The following ZNF786 variants were observed in gnomAD, a reference collection of about 807,000 sequenced individuals.
The protein encoded by ZNF786 is zinc finger protein 786.
A neutral mutation model predicts 63.1 loss-of-function variants in ZNF786; 56 were observed. The ratio of observed to expected loss-of-function variants is 0.89; its 90% confidence interval spans 0.72 to 1.11. The LOEUF (loss-of-function observed/expected upper bound fraction) is 1.11. ZNF786 is among the 50% of genes least tolerant of loss of function. The probability of loss-of-function intolerance (pLI) is 0.00; values close to 1 mark genes in which losing one functional copy is unlikely to be tolerated. For missense variants in ZNF786, 1,213 were observed against 1,041.8 expected (o/e 1.16, Z -2.26); for synonymous variants, 485 against 406.9 (o/e 1.19, Z -2.31).
rs527712743 is a variant in ZNF786, at chr7:149,089,199, G to A, written c.18+1424C>T. Among the ~76,000 whole-genome samples the A allele has an allele frequency of 2.4e-4, 37 of 152,208 alleles. No individual in the cohort carries two copies. The East Asian group carries it at 4.6e-3, about 19-fold the overall frequency. On this transcript the variant is annotated intron_variant, in intron 1 of 3. Transcript: ENST00000491431. ...GATCTCCTGATCTCGTGATCCGCCCGCCTTGGCCTCCCAAAGTGCTGGGAT... is the reference window on the plus strand; with the variant it reads ...GATCTCCTGATCTCGTGATCCGCCCACCTTGGCCTCCCAAAGTGCTGGGAT...
intron 1 of ZNF786, among the ~76,000 whole-genome samples, chr7:149,084,738 G>A (rs2129516832): frequency 6.6e-6 from 1 of 152,252 alleles, no homozygotes; most frequent in South Asian, 2.1e-4. Flanking sequence ...CCATTCTGTA[G>A]GGTGTCTGTT....
At position 149,070,336 on chromosome 7, in the gene ZNF786, C is replaced by G; in HGVS notation, c.*87G>C. 1 of 1,530,414 alleles carries G rather than the reference C, an allele frequency of 6.5e-7. No homozygotes were observed. The highest frequency in any genetic ancestry group is 8.8e-7 in the Non-Finnish European group (1 of 1,136,348). 94.8% of individuals were successfully genotyped at this position (1,530,414 alleles called of 1,614,324 possible). A position where few individuals can be genotyped will look rare whatever the true frequency, so the allele number is the denominator to read the frequency against. ...CAAAGAAGGATACCTGCTCCTAAAA[C>G]CCGTCTACCAGCGGGTCTGGCTACT... On this transcript the variant is annotated 3_prime_UTR_variant, in exon 4 of 4. Coordinates refer to ENST00000491431, the MANE Select transcript of ZNF786 (RefSeq NM_152411.4).
At position 149,071,306 on chromosome 7, in the gene ZNF786, C is replaced by A; in HGVS notation, c.1466G>T (p.Ser489Ile). The A allele has an allele frequency of 6.2e-7, 1 of 1,613,364 alleles. No individual in the cohort carries two copies. The highest frequency in any genetic ancestry group is 8.5e-7 in the Non-Finnish European group (1 of 1,179,846). ...TCTCAGCATGCTCTCCAGGCGGAAG[C>A]TCAGCCCACACTCTGGGCACTGAAA... ...KPFQCPECGL[S>I]FRLESMLRAH... is the part of the protein sequence containing the mutation. The change falls in exon 4 of 4, where the codon AGC (serine) becomes ATC (isoleucine). Residue 489 changes from serine (S) to isoleucine (I), a missense_variant. By Grantham distance (142) the Ser-to-Ile change is moderately radical (BLOSUM62 -2). Coordinates refer to ENST00000491431, the MANE Select transcript of ZNF786 (RefSeq NM_152411.4).
chr7:149,073,756 T>TAC (rs1339786698), intron 3 of ZNF786, among the ~76,000 whole-genome samples: 8 of 88,698 alleles, frequency 9.0e-5, no homozygotes, highest in African/African-American at 3.4e-4. Context: ...TGTATATATA[T>TAC]ATATATATAT....
At position 149,070,053 on chromosome 7, in the gene ZNF786, T is replaced by C. The variant is rs1825371166; in HGVS notation, c.*370A>G. 5.8e-6 allele frequency: 1 copy of C among 172,252 alleles called. No individual in the cohort carries two copies. Among genetic ancestry groups the C allele is most frequent in the African/African-American group, 2.4e-5 (1 of 41,738 alleles). The allele number at this position is 172,252 out of a possible 1,614,324, so 10.7% of individuals were successfully genotyped here. ...TTCTGTGTGCACCTTTTCTTAAAAATGTTAACAATCACATATAACCTCGTA... is the reference window on the plus strand; with the variant it reads ...TTCTGTGTGCACCTTTTCTTAAAAACGTTAACAATCACATATAACCTCGTA... On this transcript the variant is annotated 3_prime_UTR_variant, in exon 4 of 4. Transcript: ENST00000491431.
At position 149,070,886 on chromosome 7, in the gene ZNF786, CGCT is replaced by C; in HGVS notation, c.1883_1885del (p.Lys628_Arg629delinsSer). ...CTTCATGTCGGCCTTCACGCGATAG[CGCT>C]TGTCGCACTCCGGACACTGGAAGGG... On this transcript the variant is annotated inframe_deletion, in exon 4 of 4. Coordinates refer to ENST00000491431, the MANE Select transcript of ZNF786 (RefSeq NM_152411.4). 6.2e-7 allele frequency: 1 copy of C among 1,613,212 alleles called. No homozygotes were observed. Among genetic ancestry groups the C allele is most frequent in the Non-Finnish European group, 8.5e-7 (1 of 1,179,898 alleles).
intron 1 of ZNF786, among the ~76,000 whole-genome samples, chr7:149,087,782 G>A (rs532339927): frequency 1.3e-5 from 2 of 151,974 alleles, no homozygotes; most frequent in East Asian, 3.9e-4. Flanking sequence ...GCACATTTCA[G>A]GTAGTTCTTT....
At chr7:149,082,409 TTAGA>T (rs1370713062) in intron 1 of ZNF786, 14 of 313,000 alleles carry the variant, frequency 4.5e-5, no homozygotes, top group Non-Finnish European at 9.3e-6. Flanking sequence ...TACAGTTGAC[TTAGA>T]TAAATGGATA....
intron 1 of ZNF786, among the ~76,000 whole-genome samples, chr7:149,087,470 G>A (rs1425885127): frequency 6.6e-6 from 1 of 152,182 alleles, no homozygotes; most frequent in Non-Finnish European, 1.5e-5. Flanking sequence ...TAGCAGCCAA[G>A]AATAGTGATA....
At chr7:149,078,678 C>T (rs1825602197) in intron 2 of ZNF786, among the ~76,000 whole-genome samples, 1 of 151,320 alleles carries the variant, frequency 6.6e-6, no homozygotes, top group South Asian at 2.1e-4. Context: ...GAGTGAAACT[C>T]CGTCTCAAAA....
In ZNF786 at chr7:149,071,436, C is replaced by T. The variant is rs1413596722; in HGVS notation, c.1336G>A (p.Val446Ile). ...KQCKLTEHIR[V>I]HSGEKPFRCA... Reference sequence around the variant, plus strand: ...CGGAAAGGCTTCTCTCCGCTGTGGACTCGAATGTGCTCCGTGAGTTTACAC... The same window carrying T: ...CGGAAAGGCTTCTCTCCGCTGTGGATTCGAATGTGCTCCGTGAGTTTACAC... Residue 446 changes from valine to isoleucine, a missense_variant, in exon 4 of 4, where the codon GTC becomes ATC. Coordinates refer to ENST00000491431, the MANE Select transcript of ZNF786 (RefSeq NM_152411.4). The T allele has an allele frequency of 6.2e-7, 1 of 1,613,232 alleles. No homozygotes were observed. Among genetic ancestry groups the T allele is most frequent in the Non-Finnish European group, 8.5e-7 (1 of 1,179,844 alleles).
intron 1 of ZNF786, among the ~76,000 whole-genome samples, chr7:149,087,533 G>C (rs1024735314): frequency 1.3e-5 from 2 of 152,204 alleles, no homozygotes; most frequent in African/African-American, 4.8e-5. Flanking sequence ...ATCCAGCACA[G>C]GATGTTAGTA....
intron 1 of ZNF786, among the ~76,000 whole-genome samples, chr7:149,083,931 T>C (rs879812973): frequency 3.3e-5 from 5 of 152,234 alleles, no homozygotes; most frequent in African/African-American, 4.8e-5. Flanking sequence ...CAGTCTGCCA[T>C]TGATGGGCAT....
rs776772101 is a variant in ZNF786 at position 149,072,102 on chromosome 7, T to G, written c.670A>C (p.Arg224=). 2 of 1,613,212 alleles carry G rather than the reference T, an allele frequency of 1.2e-6. No individual in the cohort carries two copies. Among genetic ancestry groups the G allele is most frequent in the Admixed American group, 3.3e-5 (2 of 59,892 alleles). ...TRRAWEKFNK[R]AETQMPWSSP... ...CTCCACGGCATCTGCGTCTCCGCCC[T>G]CTTGTTGAATTTCTCCCAGGCCCTA... Residue 224 remains arginine (R), a synonymous_variant, in exon 4 of 4, where the codon AGG becomes CGG. Coordinates refer to ENST00000491431, the MANE Select transcript of ZNF786 (RefSeq NM_152411.4).
intron 1 of ZNF786, among the ~76,000 whole-genome samples, chr7:149,088,562 C>T (rs1453224862): frequency 1.3e-5 from 2 of 152,186 alleles, no homozygotes; most frequent in Admixed American, 6.5e-5. Flanking sequence ...TCATTCTCTC[C>T]TCTTCTCTGA....
In ZNF786 at chr7:149,079,678, C is replaced by T. The variant is rs968956838; in HGVS notation, c.145+913G>A. ...CCCCGCCTCCCAGGTTCAAGTGATT[C>T]TCCTGCCTCAGTCTCCTGAGTAGCT... On this transcript the variant is annotated intron_variant, in intron 2 of 3. Transcript: ENST00000491431. Among the ~76,000 whole-genome samples, 5 of 146,368 alleles carry T rather than the reference C, an allele frequency of 3.4e-5. No homozygotes were observed. In the Admixed American group the frequency reaches 3.4e-4, roughly 10 times the overall value.
chr7:149,070,195 A>T lies in ZNF786; in HGVS notation c.*228T>A, dbSNP rs997458318. 2 of 477,266 alleles carry T rather than the reference A, an allele frequency of 4.2e-6. No homozygotes were observed. The highest frequency in any genetic ancestry group is 7.2e-6 in the Non-Finnish European group (2 of 277,646). 29.6% of individuals were successfully genotyped at this position (477,266 alleles called of 1,614,324 possible). ...CACTGCACTCCAGCCTGGGTGACAG[A>T]GCAAAACTCCATCTTGGAAAAAAAA... is the stretch of plus-strand genomic sequence containing the variant. On this transcript the variant is annotated 3_prime_UTR_variant, in exon 4 of 4. Transcript: ENST00000491431.
chr7:149,081,113 T>C (rs2129516425), intron 1 of ZNF786: 2 of 457,340 alleles, frequency 4.4e-6, no homozygotes, highest in South Asian at 3.1e-5. Context: ...TATACCCCAC[T>C]GATGGGACAT....
At position 149,071,572 on chromosome 7, in the gene ZNF786, C is replaced by A. The variant is rs1825417687; in HGVS notation, c.1200G>T (p.Ala400=). 3.1e-6 allele frequency: 5 copies of A among 1,611,790 alleles called. No homozygotes were observed. In the South Asian group the frequency reaches 5.5e-5, roughly 18 times the overall value. ...AHTGEKPFQC[A]HCTKRFRLRR... is the part of the protein sequence containing the mutation. ...GCAGGCGGAAGCGCTTGGTGCAATGCGCACACTGGAAGGGCTTTTCTCCAG... is the reference window on the plus strand; with the variant it reads ...GCAGGCGGAAGCGCTTGGTGCAATGAGCACACTGGAAGGGCTTTTCTCCAG... The change falls in exon 4 of 4, where the codon GCG becomes GCT. Residue 400 remains alanine (A), a synonymous_variant. Coordinates refer to ENST00000491431, the MANE Select transcript of ZNF786 (RefSeq NM_152411.4).
Sources: allele counts gnomAD v4.1 joint callset (sites outside exome capture counted in the v4.1 genomes callset), GRCh38; gene constraint gnomAD v4.1.1; transcripts MANE v1.5; gene names NCBI Gene and HGNC (gene_info 2026-07-23, HGNC 2026-07-21).